MACROD2: variants seen among roughly 807,000 people sequenced by gnomAD.
The protein encoded by MACROD2 is ADP-ribose glycohydrolase MACROD2.
A neutral mutation model predicts 70.4 loss-of-function variants in MACROD2; 36 were observed. That is an observed-to-expected ratio of 0.51 (90% CI 0.39 to 0.68). MACROD2 has a LOEUF of 0.68. MACROD2 is among the 30% of genes least tolerant of loss of function. The pLI is 0.00. For synonymous variants in MACROD2, 172 were observed against 178.8 expected, an observed-to-expected ratio of 0.96 and a Z score of 0.30; for missense variants, 496 against 538.4, an observed-to-expected ratio of 0.92 and a Z score of 0.78.
At chr20:15,953,097 A>G (rs1013062162) in intron 12 of MACROD2, among the ~76,000 whole-genome samples, 1 of 152,146 alleles carries the variant, frequency 6.6e-6, no homozygotes, top group African/African-American at 2.4e-5. Flanking sequence ...TGTTAAGGGA[A>G]ATGAGTCAGG....
At chr20:15,479,265 CTTTTTTT>C (rs767435610) in intron 7 of MACROD2, among the ~76,000 whole-genome samples, 13,818 of 88,004 alleles carry the variant, frequency 0.16, 909 homozygotes, top group East Asian at 0.3. Context: ...TTCTCGCTCT[CTTTTTTT>C]TTTTTTTTTT....
At chr20:14,862,043 A>ATATATTTTTATATATTTT (rs1568838824) in intron 5 of MACROD2, among the ~76,000 whole-genome samples, 2 of 4,806 alleles carry the variant, frequency 4.2e-4, no homozygotes, top group African/African-American at 1.5e-3. Flanking sequence ...ATATATTTAT[A>ATATATTTTTATATATTTT]TATATATTTA....
intron 15 of MACROD2, among the ~76,000 whole-genome samples, chr20:16,024,627 T>G (rs2067052708): frequency 6.6e-6 from 1 of 152,168 alleles, no homozygotes; most frequent in Admixed American, 6.5e-5. Context: ...CTCTCAGGTC[T>G]ACAACCACGC....
intron 8 of MACROD2, among the ~76,000 whole-genome samples, chr20:15,506,507 T>C (rs2047427843): frequency 6.6e-6 from 1 of 152,204 alleles, no homozygotes; most frequent in African/African-American, 2.4e-5. Flanking sequence ...TTCCCCCTTC[T>C]TGGCAGAGGT....
intron 4 of MACROD2, among the ~76,000 whole-genome samples, chr20:14,619,261 T>G (rs955925747): frequency 6.6e-6 from 1 of 151,434 alleles, no homozygotes; most frequent in Non-Finnish European, 1.5e-5. Flanking sequence ...CAAAGTCATC[T>G]CTGATTCCAA....
chr20:14,557,066 G>A (rs573131319), intron 4 of MACROD2, among the ~76,000 whole-genome samples: 1 of 152,054 alleles, frequency 6.6e-6, no homozygotes, highest in East Asian at 1.9e-4. Flanking sequence ...CAGAAATAAA[G>A]CCTTCCATTG....
At chr20:14,496,353 A>ATTC (rs2084853311) in intron 4 of MACROD2, among the ~76,000 whole-genome samples, 1 of 152,170 alleles carries the variant, frequency 6.6e-6, no homozygotes, top group Admixed American at 6.5e-5. Context: ...CTTCCCCCAT[A>ATTC]TTCTATATGA....
intron 4 of MACROD2, among the ~76,000 whole-genome samples, chr20:14,567,262 A>T (rs1412446680): frequency 1.3e-5 from 2 of 152,068 alleles, no homozygotes; most frequent in African/African-American, 4.8e-5. Flanking sequence ...CCATCAATAG[A>T]TGAATGATCT....
chr20:14,071,050 T>C (rs371378743), intron 2 of MACROD2, among the ~76,000 whole-genome samples: 12 of 152,228 alleles, frequency 7.9e-5, no homozygotes, highest in African/African-American at 2.9e-4. Context: ...GATGATCCCT[T>C]AGCTGTTTAT....
At chr20:14,285,535 C>A (rs2082336899) in intron 3 of MACROD2, among the ~76,000 whole-genome samples, 1 of 151,718 alleles carries the variant, frequency 6.6e-6, no homozygotes, top group Non-Finnish European at 1.5e-5. Context: ...TAAGTCTCCT[C>A]TATTAGGATG....
At chr20:14,954,697 A>G (rs1445599036) in intron 5 of MACROD2, among the ~76,000 whole-genome samples, 4 of 92,212 alleles carry the variant, frequency 4.3e-5, no homozygotes, top group African/African-American at 1.6e-4. Context: ...ATATAAAATT[A>G]TAAATAAATT....
At chr20:15,687,755 C>T (rs960621723) in intron 8 of MACROD2, among the ~76,000 whole-genome samples, 5 of 152,102 alleles carry the variant, frequency 3.3e-5, no homozygotes, top group Non-Finnish European at 5.9e-5. Context: ...CTAATGCTCC[C>T]GCCACATGCA....
intron 15 of MACROD2, among the ~76,000 whole-genome samples, chr20:16,013,389 G>C (rs1268194725): frequency 1.3e-5 from 2 of 152,152 alleles, no homozygotes; most frequent in African/African-American, 4.8e-5. Context: ...TTGACTCGTA[G>C]GGGTGGACCT....
At chr20:15,922,636 T>TC (rs1203111329) in intron 10 of MACROD2, among the ~76,000 whole-genome samples, 1 of 152,180 alleles carries the variant, frequency 6.6e-6, no homozygotes, top group Non-Finnish European at 1.5e-5. Context: ...GGGCAGTGCC[T>TC]CCCCTGAGCA....
chr20:15,822,857 A>T (rs1248294819), intron 8 of MACROD2, among the ~76,000 whole-genome samples: 1 of 152,186 alleles, frequency 6.6e-6, no homozygotes, highest in African/African-American at 2.4e-5. Context: ...GAAGAGGTGG[A>T]TTATCTACCT....
intron 6 of MACROD2, among the ~76,000 whole-genome samples, chr20:15,429,482 A>G (rs757279398): frequency 3.3e-5 from 5 of 152,164 alleles, no homozygotes; most frequent in Non-Finnish European, 5.9e-5. Flanking sequence ...GAGCTTAACA[A>G]AGTCAATTTG....
chr20:14,330,053 T>A (rs2082805462), intron 3 of MACROD2, among the ~76,000 whole-genome samples: 1 of 152,042 alleles, frequency 6.6e-6, no homozygotes, highest in African/African-American at 2.4e-5. Flanking sequence ...AAAAAAAAAT[T>A]GTATTTGAAA....
intron 5 of MACROD2, among the ~76,000 whole-genome samples, chr20:14,884,050 C>T (rs1273977253): frequency 1.3e-5 from 2 of 152,062 alleles, no homozygotes; most frequent in African/African-American, 4.8e-5. Flanking sequence ...CAGGATCATC[C>T]CAAAATAACA....
At position 14,400,717 on chromosome 20, in the gene MACROD2, T is replaced by C. The variant is rs576968836; in HGVS notation, c.272-92762T>C. ...CTGCTTTTCTCTCAGGGATCACTGT[T>C]CTGTACTGCCTAATGTCCTATGTCT... On this transcript the variant is annotated intron_variant, in intron 3 of 17. Transcript: ENST00000684519. Among the ~76,000 whole-genome samples, 9 of 152,298 alleles carry C rather than the reference T, an allele frequency of 5.9e-5. No individual in the cohort carries two copies. In the East Asian group the frequency reaches 1.4e-3, roughly 23 times the overall value.
Sources: allele counts gnomAD v4.1 joint callset (sites outside exome capture counted in the v4.1 genomes callset), GRCh38; gene constraint gnomAD v4.1.1; transcripts MANE v1.5; gene names NCBI Gene and HGNC (gene_info 2026-07-23, HGNC 2026-07-21).